Variants in SUPT3H observed in about 807,000 individuals in gnomAD.
The protein encoded by SUPT3H is SPT3 homolog, SAGA and STAGA complex component.
SUPT3H carries 44 observed loss-of-function variants against 44.3 expected under a neutral mutation model. The observed-to-expected ratio is 0.99, with a 90% CI of 0.78 to 1.28. The LOEUF is 1.28. Among genes scored for constraint, SUPT3H ranks in the 50% most tolerant of loss-of-function variants. The pLI is 0.00. For missense variants in SUPT3H, 380 were observed against 387.1 expected, an observed-to-expected ratio of 0.98 and a Z score of 0.15; for synonymous variants, 124 against 125.6, an observed-to-expected ratio of 0.99 and a Z score of 0.09.
chr6:44,938,440 T>C (rs1771855541), intron 9 of SUPT3H, among the ~76,000 whole-genome samples: 1 of 152,190 alleles, frequency 6.6e-6, no homozygotes, highest in South Asian at 2.1e-4. Flanking sequence ...TATGTGTCTA[T>C]TTTTATATCA....
chr6:45,147,547 G>GAT (rs1489655790), intron 2 of SUPT3H, among the ~76,000 whole-genome samples: 1 of 151,908 alleles, frequency 6.6e-6, no homozygotes, highest in East Asian at 1.9e-4. Context: ...TTGTAGGAGA[G>GAT]ATATATATAA....
At chr6:45,374,877 T>C (rs1796552363) in intron 1 of SUPT3H, among the ~76,000 whole-genome samples, 1 of 152,238 alleles carries the variant, frequency 6.6e-6, no homozygotes, top group Non-Finnish European at 1.5e-5. Flanking sequence ...TTATTTATTA[T>C]TTAGACACAA....
chr6:45,287,260 A>C (rs925180464), intron 2 of SUPT3H, among the ~76,000 whole-genome samples: 17 of 144,820 alleles, frequency 1.2e-4, no homozygotes, highest in African/African-American at 4.8e-4. Flanking sequence ...AAAATAAAAA[A>C]TAAAAAATAT....
At chr6:45,098,947 G>C (rs899379330) in intron 3 of SUPT3H, 5 of 476,076 alleles carry the variant, frequency 1.1e-5, no homozygotes, top group African/African-American at 1.0e-4. Flanking sequence ...AAAAGAAAAA[G>C]AGAAGAACAG....
At chr6:45,162,374 C>T (rs529127331) in intron 2 of SUPT3H, among the ~76,000 whole-genome samples, 2 of 151,800 alleles carry the variant, frequency 1.3e-5, no homozygotes, top group African/African-American at 2.4e-5. Flanking sequence ...AATAAAAACT[C>T]TTAGCCAGCT....
chr6:45,066,039 A>G, intron 3 of SUPT3H, among the ~76,000 whole-genome samples: 1 of 138,896 alleles, frequency 7.2e-6, no homozygotes, highest in East Asian at 2.1e-4. Flanking sequence ...ATCCTTGATG[A>G]ACATTGATGC....
intron 3 of SUPT3H, among the ~76,000 whole-genome samples, chr6:45,051,099 T>A (rs1175364979): frequency 6.6e-6 from 1 of 151,966 alleles, no homozygotes; most frequent in Non-Finnish European, 1.5e-5. Context: ...TTAGTCAGGA[T>A]AGGATGGTCT....
At chr6:45,042,763 T>C (rs887654071) in intron 3 of SUPT3H, among the ~76,000 whole-genome samples, 3 of 151,950 alleles carry the variant, frequency 2.0e-5, no homozygotes, top group Non-Finnish European at 2.9e-5. Context: ...ACCCAAAGGA[T>C]TATAAATCAT....
chr6:45,068,974 T>C (rs2153550290), intron 3 of SUPT3H, among the ~76,000 whole-genome samples: 1 of 149,444 alleles, frequency 6.7e-6, no homozygotes, highest in African/African-American at 2.4e-5. Flanking sequence ...GAGTTTTACT[T>C]TGCAAAAAAA....
chr6:45,238,576 C>G (rs1170684590), intron 2 of SUPT3H, among the ~76,000 whole-genome samples: 1 of 152,138 alleles, frequency 6.6e-6, no homozygotes, highest in Non-Finnish European at 1.5e-5. Flanking sequence ...GAATAGATCC[C>G]AAGAAGACTC....
chr6:45,082,539 A>G (rs974263710), intron 3 of SUPT3H, among the ~76,000 whole-genome samples: 2 of 152,232 alleles, frequency 1.3e-5, no homozygotes, highest in Admixed American at 6.5e-5. Context: ...AATTAAAAAC[A>G]AAAACCATAT....
intron 9 of SUPT3H, among the ~76,000 whole-genome samples, chr6:44,933,720 T>C (rs1770959490): frequency 6.6e-6 from 1 of 152,234 alleles, no homozygotes; most frequent in African/African-American, 2.4e-5. Flanking sequence ...CACAGCTCAC[T>C]GAAGCCTCAA....
At position 45,181,510 on chromosome 6, in the gene SUPT3H, T is replaced by A. The variant is rs1391624915; in HGVS notation, c.102-75504A>T. On this transcript the variant is annotated intron_variant, in intron 2 of 10. Transcript: ENST00000371459. ...GACTGGATTAAGAAAATGTGGCACA[T>A]ATACACCATGGAATACTATGCAGCC... Among the ~76,000 whole-genome samples, 12 of 151,774 alleles carry A rather than the reference T, an allele frequency of 7.9e-5. 1 individual carries two copies. The South Asian group carries it at 2.5e-3, about 32-fold the overall frequency.
At chr6:45,019,832 C>A (rs1784858691) in intron 4 of SUPT3H, among the ~76,000 whole-genome samples, 1 of 151,910 alleles carries the variant, frequency 6.6e-6, no homozygotes, top group Middle Eastern at 3.4e-3. Flanking sequence ...ATACCCTATA[C>A]CAAATAATAA....
chr6:45,190,216 C>G (rs890363518), intron 2 of SUPT3H, among the ~76,000 whole-genome samples: 1 of 151,854 alleles, frequency 6.6e-6, no homozygotes, highest in Non-Finnish European at 1.5e-5. Context: ...AAAAATGGGA[C>G]TAAGAAATAA....
At chr6:45,322,332 T>C (rs1584907483) in intron 2 of SUPT3H, among the ~76,000 whole-genome samples, 1 of 151,508 alleles carries the variant, frequency 6.6e-6, no homozygotes, top group Non-Finnish European at 1.5e-5. Context: ...AAACCTACAT[T>C]TTAAACAATG....
intron 6 of SUPT3H, among the ~76,000 whole-genome samples, chr6:44,997,816 T>A (rs887939597): frequency 6.6e-6 from 1 of 151,878 alleles, no homozygotes; most frequent in Non-Finnish European, 1.5e-5. Context: ...CTTTTCTATA[T>A]CTAGTTTATT....
intron 9 of SUPT3H, among the ~76,000 whole-genome samples, chr6:44,941,891 T>C (rs1388424493): frequency 3.9e-5 from 6 of 152,148 alleles, no homozygotes; most frequent in Non-Finnish European, 7.4e-5. Flanking sequence ...AGTCTGAATA[T>C]AGAAAGAAGT....
chr6:44,985,469 G>A (rs114138096), intron 6 of SUPT3H, among the ~76,000 whole-genome samples: 2,669 of 152,042 alleles, frequency 0.018, 51 homozygotes, highest in South Asian at 0.086. Flanking sequence ...TCTGTTTAGG[G>A]TACAACATCC....
Sources: gnomAD v4.1 joint callset for allele counts (sites outside exome capture counted in the v4.1 genomes callset) on GRCh38, gnomAD v4.1.1 for gene constraint, MANE v1.5 for transcripts, NCBI Gene and HGNC (gene_info 2026-07-23, HGNC 2026-07-21) for gene names.